PDZRN4: variants seen among roughly 807,000 people sequenced by gnomAD.
The protein encoded by PDZRN4 is PDZ domain containing ring finger 4.
Under a neutral mutation model 99.0 loss-of-function variants are expected in PDZRN4, and 70 were observed. That is an observed-to-expected ratio of 0.71 (90% CI 0.58 to 0.86). PDZRN4 has a LOEUF of 0.86. PDZRN4 is among the 40% of genes least tolerant of loss of function. The pLI, the probability that PDZRN4 is intolerant of heterozygous loss-of-function variation, is 0.00. For missense variants in PDZRN4, 1,474 were observed against 1,331.2 expected (o/e 1.11, Z -1.67); for synonymous variants, 551 against 501.6 (o/e 1.10, Z -1.32).
At chr12:41,479,009 C>A (rs1320148933) in intron 3 of PDZRN4, among the ~76,000 whole-genome samples, 1 of 152,144 alleles carries the variant, frequency 6.6e-6, no homozygotes, top group Non-Finnish European at 1.5e-5. Flanking sequence ...ATCTTTTTCT[C>A]CCTTCCCAAA....
At chr12:41,333,517 T>C (rs1423974477) in intron 3 of PDZRN4, among the ~76,000 whole-genome samples, 2 of 152,088 alleles carry the variant, frequency 1.3e-5, no homozygotes, top group Non-Finnish European at 2.9e-5. Flanking sequence ...CTTATTGCCT[T>C]TGTGTTAGAT....
intron 3 of PDZRN4, among the ~76,000 whole-genome samples, chr12:41,420,952 T>C (rs1952483987): frequency 6.6e-6 from 1 of 152,158 alleles, no homozygotes; most frequent in Non-Finnish European, 1.5e-5. Context: ...ACGGTACGTC[T>C]TCCTCCTGAC....
At chr12:41,215,883 T>C (rs1950917866) in intron 3 of PDZRN4, among the ~76,000 whole-genome samples, 1 of 151,922 alleles carries the variant, frequency 6.6e-6, no homozygotes, top group Admixed American at 6.6e-5. Context: ...TGAATTTAAT[T>C]TGCTCTCCTA....
In PDZRN4 at chr12:41,572,445, G is replaced by A; in HGVS notation, c.1666G>A (p.Gly556Arg). Residue 556 changes from glycine to arginine, a missense_variant, in exon 10 of 10, where the codon GGA (glycine) becomes AGA (arginine). Physicochemically the swap from Gly to Arg is moderately radical, Grantham distance 125 (BLOSUM62 -2). Transcript: ENST00000402685. ...CAACCATGAGAAGGACAGTGGAGTAGGACGTACAGATGAAAGCTTGCGAAA... is the reference window on the plus strand; with the variant it reads ...CAACCATGAGAAGGACAGTGGAGTAAGACGTACAGATGAAAGCTTGCGAAA... ...SNNHEKDSGV[G>R]RTDESLRNDE... 6.2e-7 allele frequency: 1 copy of A among 1,614,136 alleles called. No homozygotes were observed. The highest frequency in any genetic ancestry group is 8.5e-7 in the Non-Finnish European group (1 of 1,179,986).
At chr12:41,227,015 T>C (rs1341282945) in intron 3 of PDZRN4, among the ~76,000 whole-genome samples, 5 of 152,208 alleles carry the variant, frequency 3.3e-5, no homozygotes, top group Admixed American at 3.3e-4. Flanking sequence ...AATAGGCATA[T>C]GCATCTTAAA....
chr12:41,336,112 C>T (rs2141105), intron 3 of PDZRN4, among the ~76,000 whole-genome samples: 6 of 151,830 alleles, frequency 4.0e-5, no homozygotes, highest in East Asian at 1.9e-4. Flanking sequence ...TGCATGCGGA[C>T]GCAACACAAT....
At chr12:41,475,482 G>C (rs568927763) in intron 3 of PDZRN4, among the ~76,000 whole-genome samples, 1 of 152,280 alleles carries the variant, frequency 6.6e-6, no homozygotes, top group African/African-American at 2.4e-5. Context: ...TGTTTATCTA[G>C]AGCACTTGAT....
chr12:41,349,172 C>A (rs1951874376), intron 3 of PDZRN4, among the ~76,000 whole-genome samples: 1 of 151,836 alleles, frequency 6.6e-6, no homozygotes. Flanking sequence ...ATCTTCAGTA[C>A]CCTTTTAACT....
At chr12:41,352,818 A>C (rs1170403489) in intron 3 of PDZRN4, among the ~76,000 whole-genome samples, 1 of 152,150 alleles carries the variant, frequency 6.6e-6, no homozygotes, top group Non-Finnish European at 1.5e-5. Flanking sequence ...GAATTATAGC[A>C]CATAGTCTTT....
At chr12:41,230,337 C>A (rs1333671262) in intron 3 of PDZRN4, among the ~76,000 whole-genome samples, 4 of 151,942 alleles carry the variant, frequency 2.6e-5, no homozygotes, top group African/African-American at 9.7e-5. Context: ...CCTTCCTAGC[C>A]CCTCTACTTA....
intron 3 of PDZRN4, among the ~76,000 whole-genome samples, chr12:41,197,258 A>T (rs540822145): frequency 3.9e-5 from 6 of 152,120 alleles, no homozygotes; most frequent in Non-Finnish European, 8.8e-5. Flanking sequence ...AAAAGATTTT[A>T]TAAACTCTAA....
chr12:41,298,033 T>C (rs1280429361), intron 3 of PDZRN4, among the ~76,000 whole-genome samples: 1 of 152,150 alleles, frequency 6.6e-6, no homozygotes, highest in African/African-American at 2.4e-5. Flanking sequence ...CCATTATCCC[T>C]TTCAGACTCC....
chr12:41,504,348 G>T lies in PDZRN4; in HGVS notation c.844-2108G>T, dbSNP rs140628854. ...GAGATTTCTTTTCAGAGAGGGAAGG[G>T]TGTGGGTTCCTGCAGGAACAGATCT... On this transcript the variant is annotated intron_variant, in intron 3 of 9. Transcript: ENST00000402685. Among the ~76,000 whole-genome samples the T allele has an allele frequency of 5.2e-3, 791 of 152,140 alleles. 10 individuals carry two copies. Among genetic ancestry groups the T allele is most frequent in the African/African-American group, 0.018 (754 of 41,516 alleles).
intron 3 of PDZRN4, among the ~76,000 whole-genome samples, chr12:41,422,539 A>G (rs76977539): frequency 2.4e-4 from 37 of 152,304 alleles, no homozygotes; most frequent in African/African-American, 8.9e-4. Flanking sequence ...GGAGACTTAC[A>G]ATCACATTGG....
chr12:41,545,538 TGTGTGTGTGTG>T (rs1938933416), intron 5 of PDZRN4, among the ~76,000 whole-genome samples: 1 of 150,490 alleles, frequency 6.6e-6, no homozygotes. Context: ...TGTGTGTGTG[TGTGTGTGTGTG>T]TGTGACAATG....
chr12:41,290,595 A>T (rs1189933687), intron 3 of PDZRN4, among the ~76,000 whole-genome samples: 2 of 152,148 alleles, frequency 1.3e-5, no homozygotes, highest in African/African-American at 4.8e-5. Flanking sequence ...TTCAACTTGG[A>T]AGAAAGATCT....
At chr12:41,256,023 A>G (rs1247823987) in intron 3 of PDZRN4, among the ~76,000 whole-genome samples, 1 of 152,214 alleles carries the variant, frequency 6.6e-6, no homozygotes. Context: ...GGGGACACAC[A>G]TTAAATCATA....
intron 3 of PDZRN4, among the ~76,000 whole-genome samples, chr12:41,428,756 C>A (rs924940275): frequency 7.2e-5 from 11 of 152,166 alleles, no homozygotes; most frequent in African/African-American, 2.4e-4. Flanking sequence ...AAATCAACAA[C>A]TTGCTCCTCA....
chr12:41,362,449 A>C (rs542381489), intron 3 of PDZRN4, among the ~76,000 whole-genome samples: 99 of 41,734 alleles, frequency 2.4e-3, no homozygotes, highest in African/African-American at 4.1e-3. Flanking sequence ...ATAAGCTTGA[A>C]TTTTTGTCTA....
Sources: allele counts gnomAD v4.1 joint callset (sites outside exome capture counted in the v4.1 genomes callset), GRCh38; gene constraint gnomAD v4.1.1; transcripts MANE v1.5; gene names NCBI Gene and HGNC (gene_info 2026-07-23, HGNC 2026-07-21).